The following TESMIN variants were observed in gnomAD, a reference collection of about 807,000 sequenced individuals.
The protein encoded by TESMIN is CXC domain containing 2.
Under a neutral mutation model 47.4 loss-of-function variants are expected in TESMIN, and 34 were observed. The ratio of observed to expected loss-of-function variants is 0.72; its 90% CI spans 0.55 to 0.96. The LOEUF (loss-of-function observed/expected upper bound fraction) is 0.96. Among genes scored for constraint, TESMIN ranks in the 40% least tolerant of loss-of-function variants. The pLI is 0.00. For synonymous variants in TESMIN, 278 were observed against 258.9 expected (o/e 1.07, Z -0.71); for missense variants, 610 against 637.2 (o/e 0.96, Z 0.46).
rs1015320129 is a variant in TESMIN, at chr11:68,715,969, G to C, written c.918-30C>G. On this transcript the variant is annotated intron_variant, in intron 6 of 9. Transcript: ENST00000255087. ...GAAGGAAAGGACAGAGTGAGTGGCA[G>C]GCACAGACGGCACAGTGAGTAGTGA... 2.2e-6 allele frequency: 3 copies of C among 1,360,196 alleles called. No individual in the cohort carries two copies. In the South Asian group the frequency reaches 3.5e-5, roughly 16 times the overall value. 84.3% of individuals were successfully genotyped at this position (1,360,196 alleles called of 1,614,324 possible).
chr11:68,733,170 G>A (rs561415229), intron 6 of TESMIN, among the ~76,000 whole-genome samples: 1 of 152,302 alleles, frequency 6.6e-6, no homozygotes, highest in Non-Finnish European at 1.5e-5. Flanking sequence ...CAGCCACATC[G>A]TCTACTTCCA....
At chr11:68,736,186 T>C in intron 6 of TESMIN, 1 of 985,378 alleles carries the variant, frequency 1.0e-6, no homozygotes, top group Non-Finnish European at 1.2e-6. Context: ...ACCAGTAGCA[T>C]CAACAATGTG....
At chr11:68,721,864 G>T (rs1946207179) in intron 6 of TESMIN, among the ~76,000 whole-genome samples, 1 of 152,180 alleles carries the variant, frequency 6.6e-6, no homozygotes, top group South Asian at 2.1e-4. Flanking sequence ...TGCAAAATAA[G>T]ATGGTATTGT....
intron 8 of TESMIN, among the ~76,000 whole-genome samples, chr11:68,713,027 G>A (rs572941578): frequency 2.9e-4 from 44 of 152,296 alleles, no homozygotes; most frequent in African/African-American, 1.1e-3. Context: ...GGGTACTCAG[G>A]GCTGGGCTCA....
At chr11:68,709,826 C>T (rs573761276) in intron 9 of TESMIN, among the ~76,000 whole-genome samples, 2 of 152,310 alleles carry the variant, frequency 1.3e-5, no homozygotes, top group South Asian at 2.1e-4. Flanking sequence ...TTTCACACAT[C>T]ACTTCACAGA....
intron 2 of TESMIN, among the ~76,000 whole-genome samples, chr11:68,749,876 G>A (rs1946567392): frequency 6.6e-6 from 1 of 152,190 alleles, no homozygotes; most frequent in African/African-American, 2.4e-5. Context: ...TAGCAACAGG[G>A]CCCAAGGGAA....
intron 5 of TESMIN, among the ~76,000 whole-genome samples, chr11:68,740,878 T>C (rs939230135): frequency 1.3e-5 from 2 of 152,056 alleles, no homozygotes; most frequent in East Asian, 1.9e-4. Flanking sequence ...CATCCCAAAT[T>C]TAATATATCC....
At chr11:68,709,735 C>T (rs537000458) in intron 9 of TESMIN, among the ~76,000 whole-genome samples, 2 of 152,330 alleles carry the variant, frequency 1.3e-5, no homozygotes, top group South Asian at 4.1e-4. Flanking sequence ...AGAAGGGCTG[C>T]TAACACTGCA....
At chr11:68,735,964 A>G (rs1015260635) in intron 6 of TESMIN, among the ~76,000 whole-genome samples, 2 of 152,238 alleles carry the variant, frequency 1.3e-5, no homozygotes, top group African/African-American at 4.8e-5. Flanking sequence ...AGTGGACACT[A>G]AGTGGAAACT....
At chr11:68,740,457 C>A (rs183756135) in intron 5 of TESMIN, among the ~76,000 whole-genome samples, 9 of 152,212 alleles carry the variant, frequency 5.9e-5, no homozygotes, top group Admixed American at 5.9e-4. Context: ...CAAGTTGTGG[C>A]CAAATGGGTG....
intron 3 of TESMIN, among the ~76,000 whole-genome samples, chr11:68,745,901 A>C (rs1946514579): frequency 6.6e-6 from 1 of 152,204 alleles, no homozygotes; most frequent in African/African-American, 2.4e-5. Flanking sequence ...GAAAGGCGAG[A>C]GATGCTGTGG....
chr11:68,723,054 T>C (rs1370542437), intron 6 of TESMIN, among the ~76,000 whole-genome samples: 1 of 152,102 alleles, frequency 6.6e-6, no homozygotes, highest in Non-Finnish European at 1.5e-5. Context: ...AATAAGCCAG[T>C]GAATGGATAG....
intron 6 of TESMIN, chr11:68,736,853 G>C (rs930973495): frequency 2.0e-6 from 2 of 984,646 alleles, no homozygotes; most frequent in Non-Finnish European, 2.4e-6. Context: ...CCGGGGGAGA[G>C]GAAAAGGGGG....
chr11:68,740,146 T>C (rs1042310730), intron 5 of TESMIN, among the ~76,000 whole-genome samples: 1 of 152,098 alleles, frequency 6.6e-6, no homozygotes, highest in Non-Finnish European at 1.5e-5. Context: ...ACCTGGGGCC[T>C]TTATGAAAAT....
chr11:68,718,808 A>G (rs1946171532), intron 6 of TESMIN, among the ~76,000 whole-genome samples: 1 of 152,258 alleles, frequency 6.6e-6, no homozygotes, highest in Non-Finnish European at 1.5e-5. Context: ...GGAAGCTAGA[A>G]GAAATGCAGT....
At chr11:68,749,305 A>C (rs554507344) in intron 2 of TESMIN, among the ~76,000 whole-genome samples, 1 of 152,338 alleles carries the variant, frequency 6.6e-6, no homozygotes, top group East Asian at 1.9e-4. Flanking sequence ...ATAACAGAAA[A>C]CCGGAAGAGC....
At chr11:68,736,282 T>A in intron 6 of TESMIN, 4 of 985,434 alleles carry the variant, frequency 4.1e-6, no homozygotes, top group Non-Finnish European at 4.8e-6. Context: ...AAAGAGTTTT[T>A]ATTAATATGA....
At chr11:68,718,305 A>G (rs1946166104) in intron 6 of TESMIN, among the ~76,000 whole-genome samples, 1 of 152,224 alleles carries the variant, frequency 6.6e-6, no homozygotes, top group Admixed American at 6.5e-5. Flanking sequence ...AAAGAAAACT[A>G]GGAGGAAAGT....
At chr11:68,744,934 T>C in intron 4 of TESMIN, 57 bp downstream of exon 4, 2 of 1,424,266 alleles carry the variant, frequency 1.4e-6, no homozygotes, top group Non-Finnish European at 1.9e-6. Flanking sequence ...AAGCCAAACA[T>C]ATTCATTTAC....
Sources: allele counts gnomAD v4.1 joint callset (sites outside exome capture counted in the v4.1 genomes callset), GRCh38; gene constraint gnomAD v4.1.1; transcripts MANE v1.5; gene names NCBI Gene and HGNC (gene_info 2026-07-23, HGNC 2026-07-21).